COL25A1: variants seen among roughly 807,000 people sequenced by gnomAD.
COL25A1 encodes the protein collagen alpha-1(XXV) chain.
A neutral mutation model predicts 128.4 loss-of-function variants in COL25A1; 103 were observed. The ratio of observed to expected loss-of-function variants is 0.80; its 90% CI spans 0.68 to 0.94. The LOEUF is 0.94. Ranked by LOEUF, COL25A1 falls within the 40% of genes least tolerant of loss-of-function variation. COL25A1 has a pLI of 0.00. For synonymous variants in COL25A1, 279 were observed against 277.2 expected, an observed-to-expected ratio of 1.01 and a Z score of -0.06; for missense variants, 745 against 840.0, an observed-to-expected ratio of 0.89 and a Z score of 1.40.
intron 3 of COL25A1, among the ~76,000 whole-genome samples, chr4:109,253,640 A>T (rs1780815499): frequency 6.6e-6 from 1 of 152,206 alleles, no homozygotes; most frequent in Non-Finnish European, 1.5e-5. Context: ...CTATCATACC[A>T]TAGTTCAAAA....
chr4:108,905,529 A>T (rs1267886943), intron 13 of COL25A1, among the ~76,000 whole-genome samples: 3 of 150,532 alleles, frequency 2.0e-5, no homozygotes, highest in African/African-American at 7.3e-5. Context: ...AAAAAAATAA[A>T]AATAAAAATA....
At chr4:108,912,841 G>A (rs1219992358) in intron 13 of COL25A1, among the ~76,000 whole-genome samples, 1 of 152,096 alleles carries the variant, frequency 6.6e-6, no homozygotes, top group Non-Finnish European at 1.5e-5. Context: ...GAAGATTAAT[G>A]TCAGTGAAGA....
chr4:109,148,739 T>G (rs1771187887), intron 3 of COL25A1, among the ~76,000 whole-genome samples: 2 of 152,178 alleles, frequency 1.3e-5, no homozygotes, highest in African/African-American at 4.8e-5. Context: ...TTCAGATGTT[T>G]CCATGGCCTT....
At chr4:109,170,469 G>A (rs1377432750) in intron 3 of COL25A1, among the ~76,000 whole-genome samples, 2 of 152,030 alleles carry the variant, frequency 1.3e-5, no homozygotes, top group African/African-American at 4.8e-5. Flanking sequence ...GTCTATGAAT[G>A]CCTAAATGAT....
chr4:109,052,580 G>T (rs924325179), intron 3 of COL25A1, among the ~76,000 whole-genome samples: 2 of 152,078 alleles, frequency 1.3e-5, no homozygotes, highest in African/African-American at 2.4e-5. Context: ...AAAACTGCAG[G>T]GAGCATTATA....
intron 6 of COL25A1, among the ~76,000 whole-genome samples, chr4:108,978,507 A>G: frequency 6.6e-6 from 1 of 152,228 alleles, no homozygotes; most frequent in Admixed American, 6.5e-5. Flanking sequence ...GTTTATTTGA[A>G]CATTACCCTT....
intron 35 of COL25A1, chr4:108,819,816 G>A (rs977332803): frequency 2.7e-5 from 33 of 1,229,276 alleles, no homozygotes; most frequent in Admixed American, 4.2e-5. Context: ...ACATACCAAC[G>A]GGCAGGGTGC....
chr4:108,818,790 G>A (rs115258345), intron 36 of COL25A1, among the ~76,000 whole-genome samples: 2,280 of 152,038 alleles, frequency 0.015, 17 homozygotes, highest in Middle Eastern at 0.048. Context: ...CTTGACGACA[G>A]AAGCTGAATT....
chr4:108,946,494 A>G (rs1748771005), intron 8 of COL25A1, among the ~76,000 whole-genome samples: 1 of 152,226 alleles, frequency 6.6e-6, no homozygotes, highest in Non-Finnish European at 1.5e-5. Flanking sequence ...TACAGTTTAA[A>G]TATTAGAAAG....
intron 3 of COL25A1, among the ~76,000 whole-genome samples, chr4:109,264,400 T>C (rs1781656498): frequency 1.3e-5 from 2 of 152,240 alleles, no homozygotes; most frequent in East Asian, 1.9e-4. Context: ...AGAGCAATAA[T>C]GGAGTGGGGG....
At chr4:108,877,971 C>T (rs1209491567) in intron 19 of COL25A1, among the ~76,000 whole-genome samples, 2 of 152,144 alleles carry the variant, frequency 1.3e-5, no homozygotes, top group African/African-American at 4.8e-5. Context: ...TGCCAATTTA[C>T]ATAATGATGA....
At chr4:109,287,527 T>C (rs1226008050) in intron 3 of COL25A1, among the ~76,000 whole-genome samples, 2 of 152,226 alleles carry the variant, frequency 1.3e-5, no homozygotes, top group Non-Finnish European at 2.9e-5. Context: ...GTTTAATATT[T>C]ATAATTAGTC....
intron 31 of COL25A1, chr4:108,838,250 C>T: frequency 1.9e-6 from 2 of 1,059,766 alleles, no homozygotes; most frequent in Non-Finnish European, 1.4e-6. Context: ...GAGAGCCAGT[C>T]TCTGAAATAG....
intron 3 of COL25A1, among the ~76,000 whole-genome samples, chr4:109,231,266 A>C (rs1779149598): frequency 6.6e-6 from 1 of 152,208 alleles, no homozygotes; most frequent in African/African-American, 2.4e-5. Flanking sequence ...AATTGTTATT[A>C]CATTCCAGTA....
At chr4:108,955,936 T>C (rs532087236) in intron 8 of COL25A1, among the ~76,000 whole-genome samples, 1 of 152,250 alleles carries the variant, frequency 6.6e-6, no homozygotes, top group African/African-American at 2.4e-5. Context: ...CAAATATAAA[T>C]GTGTTTTAGC....
At chr4:108,970,947 G>A (rs1578934225) in intron 8 of COL25A1, among the ~76,000 whole-genome samples, 1 of 151,934 alleles carries the variant, frequency 6.6e-6, no homozygotes, top group African/African-American at 2.4e-5. Flanking sequence ...ATCACAAATG[G>A]AATATTATTG....
chr4:109,222,658 C>T (rs1223774499), intron 3 of COL25A1, among the ~76,000 whole-genome samples: 1 of 152,174 alleles, frequency 6.6e-6, no homozygotes, highest in Non-Finnish European at 1.5e-5. Flanking sequence ...ACCTAGTCAA[C>T]TATTCCCTCA....
At chr4:108,940,024 C>T (rs768811772) in intron 10 of COL25A1, among the ~76,000 whole-genome samples, 1 of 152,102 alleles carries the variant, frequency 6.6e-6, no homozygotes, top group Non-Finnish European at 1.5e-5. Context: ...TGGGGGTTCA[C>T]GTTATTTATA....
In COL25A1 at chr4:108,827,171, C is replaced by T. The variant is rs760546881; in HGVS notation, c.1728G>A (p.Met576Ile). 5 of 1,613,828 alleles carry T rather than the reference C, an allele frequency of 3.1e-6. No homozygotes were observed. Among genetic ancestry groups the T allele is most frequent in the Non-Finnish European group, 3.4e-6 (4 of 1,179,946 alleles). Residue 576 changes from methionine to isoleucine, a missense_variant, in exon 33 of 38, where the codon ATG (methionine) becomes ATA (isoleucine). Met to Ile is a conservative substitution (Grantham distance 10, BLOSUM62 1). Coordinates refer to ENST00000399132, the MANE Select transcript of COL25A1 (RefSeq NM_198721.4). ...PKGERGEKGA[M>I]GEPGPRGPYG... ...AGGGCCCTCTTGGTCCAGGCTCTCCCATAGCTCCTTTTTCACCCTAAAATG... is the reference window on the plus strand; with the variant it reads ...AGGGCCCTCTTGGTCCAGGCTCTCCTATAGCTCCTTTTTCACCCTAAAATG...
Sources: allele counts gnomAD v4.1 joint callset (sites outside exome capture counted in the v4.1 genomes callset), GRCh38; gene constraint gnomAD v4.1.1; transcripts MANE v1.5; gene names NCBI Gene and HGNC (gene_info 2026-07-23, HGNC 2026-07-21).